The following MAPKAP1 variants were observed in gnomAD, a reference collection of about 807,000 sequenced individuals.
MAPKAP1 encodes the protein MAPK associated protein 1.
In MAPKAP1, 20 loss-of-function variants were observed where a neutral mutation model predicts 65.7. The observed-to-expected ratio is 0.30, with a 90% CI of 0.21 to 0.44. The LOEUF (loss-of-function observed/expected upper bound fraction) is 0.44, where lower values mean the gene tolerates loss of function less well. MAPKAP1 is among the 20% of genes least tolerant of loss of function. The probability of loss-of-function intolerance (pLI) is 1.00; values close to 1 mark genes in which losing one functional copy is unlikely to be tolerated. For missense variants in MAPKAP1, 423 were observed against 648.0 expected (o/e 0.65, Z 3.77); for synonymous variants, 222 against 244.3 (o/e 0.91, Z 0.85).
intron 4 of MAPKAP1, among the ~76,000 whole-genome samples, chr9:125,614,115 A>C (rs1418587422): frequency 6.6e-6 from 1 of 152,154 alleles, no homozygotes; most frequent in Non-Finnish European, 1.5e-5. Flanking sequence ...AGCAATTTCT[A>C]AATCACTTTA....
rs192464128 is a variant in MAPKAP1, at chr9:125,627,258, A to T, written c.498+30393T>A. Among the ~76,000 whole-genome samples the T allele has an allele frequency of 6.8e-4, 103 of 152,302 alleles. 1 individual carries two copies. The highest frequency in any genetic ancestry group is 1.0e-3 in the South Asian group (5 of 4,834). On this transcript the variant is annotated intron_variant, in intron 4 of 11. Transcript: ENST00000265960. ...AACTTAAAAAATTTCACACTACCCC[A>T]AAGATGATACACACCCTCCCCACTG...
At chr9:125,526,245 G>T (rs1829764609) in intron 7 of MAPKAP1, among the ~76,000 whole-genome samples, 1 of 152,196 alleles carries the variant, frequency 6.6e-6, no homozygotes, top group African/African-American at 2.4e-5. Context: ...CTCCACAGAA[G>T]TTAGATGATG....
chr9:125,658,250 A>G (rs575063578), intron 3 of MAPKAP1, among the ~76,000 whole-genome samples: 4 of 152,348 alleles, frequency 2.6e-5, no homozygotes, highest in Admixed American at 2.0e-4. Context: ...AGATCTGCAT[A>G]TTAATTCTCT....
Position 125,468,055 on chromosome 9 carries a change from G to A in MAPKAP1, c.1262C>T (p.Thr421Ile). Residue 421 changes from threonine to isoleucine, a missense_variant, in exon 10 of 12, where the codon ACT becomes ATT. Thr to Ile is a moderately conservative substitution (Grantham distance 89, BLOSUM62 -1). This residue lies in a region of MAPKAP1 where 185 missense variants were observed against 268.1 expected (regional missense o/e 0.69). Transcript: ENST00000265960. ...IDPVTNQKAS[T>I]KFWIKQKPIS... ...GGGTTTCTGCTTAATCCAAAACTTA[G>A]TGCTGGCTTTCTGATTCGTAACAGG... 1 of 1,614,222 alleles carries A rather than the reference G, an allele frequency of 6.2e-7. No homozygotes were observed. Among genetic ancestry groups the A allele is most frequent in the Non-Finnish European group, 8.5e-7 (1 of 1,180,032 alleles).
intron 4 of MAPKAP1, among the ~76,000 whole-genome samples, chr9:125,644,741 G>A (rs920127471): frequency 3.3e-5 from 5 of 152,168 alleles, no homozygotes; most frequent in African/African-American, 4.8e-5. Context: ...AATGCTGAAC[G>A]CTTAATGAAG....
chr9:125,596,989 C>T (rs1316311684), intron 4 of MAPKAP1, among the ~76,000 whole-genome samples: 2 of 143,606 alleles, frequency 1.4e-5, no homozygotes, highest in South Asian at 2.2e-4. Flanking sequence ...AAAGGCCAGG[C>T]GCGGTGGCTT....
At chr9:125,699,721 C>A (rs982527717) in intron 1 of MAPKAP1, among the ~76,000 whole-genome samples, 1 of 151,814 alleles carries the variant, frequency 6.6e-6, no homozygotes, top group Non-Finnish European at 1.5e-5. Context: ...CAGCCTCAGC[C>A]CCCTGGGCTC....
chr9:125,536,847 G>T (rs1042938634), intron 7 of MAPKAP1, among the ~76,000 whole-genome samples: 5 of 152,284 alleles, frequency 3.3e-5, no homozygotes, highest in Admixed American at 2.0e-4. Context: ...ATATATATGG[G>T]TTTCCCTTTT....
chr9:125,615,713 G>C (rs768458017), intron 4 of MAPKAP1, among the ~76,000 whole-genome samples: 8 of 152,146 alleles, frequency 5.3e-5, no homozygotes, highest in Non-Finnish European at 2.9e-5. Flanking sequence ...AGGAGTTCAA[G>C]ATCAGCCTGG....
intron 4 of MAPKAP1, among the ~76,000 whole-genome samples, chr9:125,636,896 A>G (rs889802179): frequency 2.0e-5 from 3 of 152,172 alleles, no homozygotes; most frequent in African/African-American, 7.2e-5. Context: ...TAGCCCAAAA[A>G]TCTCGTGTCT....
intron 9 of MAPKAP1, among the ~76,000 whole-genome samples, chr9:125,470,747 A>G (rs1339852520): frequency 1.3e-5 from 2 of 152,208 alleles, no homozygotes; most frequent in Non-Finnish European, 2.9e-5. Flanking sequence ...TAGGAGATGA[A>G]TGCAATAGGC....
At chr9:125,643,995 G>A (rs747062532) in intron 4 of MAPKAP1, among the ~76,000 whole-genome samples, 23 of 152,150 alleles carry the variant, frequency 1.5e-4, no homozygotes, top group Non-Finnish European at 2.6e-4. Context: ...AGGTAGCCAG[G>A]AAATATCAAG....
intron 4 of MAPKAP1, among the ~76,000 whole-genome samples, chr9:125,607,759 G>C (rs147471817): frequency 6.6e-6 from 1 of 152,156 alleles, no homozygotes; most frequent in African/African-American, 2.4e-5. Flanking sequence ...GGGTTCAAGC[G>C]ATTCTCCTGC....
chr9:125,495,667 G>A (rs1233186451), intron 8 of MAPKAP1, among the ~76,000 whole-genome samples: 1 of 152,192 alleles, frequency 6.6e-6, no homozygotes, highest in African/African-American at 2.4e-5. Context: ...AGAAGAGAGT[G>A]AAAAATGCAA....
chr9:125,561,409 T>G (rs1830888433), intron 5 of MAPKAP1, among the ~76,000 whole-genome samples: 1 of 152,216 alleles, frequency 6.6e-6, no homozygotes, highest in Non-Finnish European at 1.5e-5. Context: ...AACTGTAAAT[T>G]TGCTAAATGG....
At chr9:125,618,564 C>T (rs1250168983) in intron 4 of MAPKAP1, among the ~76,000 whole-genome samples, 1 of 151,948 alleles carries the variant, frequency 6.6e-6, no homozygotes, top group Non-Finnish European at 1.5e-5. Flanking sequence ...AATATATAAT[C>T]TGATGGTGTA....
At chr9:125,680,036 T>A (rs938828648) in intron 1 of MAPKAP1, among the ~76,000 whole-genome samples, 1 of 152,158 alleles carries the variant, frequency 6.6e-6, no homozygotes, top group Non-Finnish European at 1.5e-5. Flanking sequence ...GTACTTGAAA[T>A]GATTTAATGT....
At chr9:125,480,032 G>T (rs1008611833) in intron 9 of MAPKAP1, among the ~76,000 whole-genome samples, 7 of 152,132 alleles carry the variant, frequency 4.6e-5, no homozygotes, top group Admixed American at 1.3e-4. Context: ...CTCATACAGG[G>T]TGTGCTGTTT....
chr9:125,704,040 C>A (rs545520793), intron 1 of MAPKAP1, among the ~76,000 whole-genome samples: 3 of 152,216 alleles, frequency 2.0e-5, no homozygotes, highest in Non-Finnish European at 4.4e-5. Context: ...GCAAAGGCCA[C>A]TTCCATTCCT....
Sources: allele counts gnomAD v4.1 joint callset (sites outside exome capture counted in the v4.1 genomes callset), GRCh38; gene constraint gnomAD v4.1.1; regional missense constraint gnomAD v4.1.1; transcripts MANE v1.5; gene names NCBI Gene and HGNC (gene_info 2026-07-23, HGNC 2026-07-21).